ZNF718: variants seen among roughly 807,000 people sequenced by gnomAD.
The protein encoded by ZNF718 is zinc finger protein 718.
ZNF718 carries 3 observed loss-of-function variants against 2.6 expected under a neutral mutation model. The observed-to-expected ratio is 1.16, with a 90% confidence interval of 0.53 to 3.01. ZNF718 has a LOEUF of 3.01. Among genes scored for constraint, ZNF718 ranks in the 30% most tolerant of loss-of-function variants. ZNF718 has a pLI of 0.03. For synonymous variants in ZNF718, 135 were observed against 77.9 expected, an observed-to-expected ratio of 1.73 and a Z score of -3.86; for missense variants, 468 against 230.0, an observed-to-expected ratio of 2.03 and a Z score of -6.69.
Position 161,923 on chromosome 4 carries a change from A to G in ZNF718, c.1238A>G (p.His413Arg), listed in dbSNP as rs7440274. ...AAAGTGTTTGCAAACCTGCATAATC[A>G]TAAGAAAATTCATACTGGAGAGAAA... is the stretch of plus-strand genomic sequence containing the variant. ...AFKVFANLHN[H>R]KKIHTGEKPY... Residue 413 changes from histidine (H) to arginine (R), a missense_variant, in exon 4 of 4, where the codon CAT becomes CGT. By Grantham distance (29) the His-to-Arg change is conservative (BLOSUM62 0). Transcript: ENST00000510175. 0.18 allele frequency: 143,850 copies of G among 780,076 alleles called. 14,599 individuals carry two copies. The highest frequency in any genetic ancestry group is 0.27 in the South Asian group (20,173 of 74,580). 48.3% of individuals were successfully genotyped at this position (780,076 alleles called of 1,614,324 possible).
At chr4:139,567 C>G (rs1715720554) in intron 3 of ZNF718, among the ~76,000 whole-genome samples, 1 of 152,232 alleles carries the variant, frequency 6.6e-6, no homozygotes, top group Non-Finnish European at 1.5e-5. Context: ...CTTTGAGCCC[C>G]TACGCTTGGG....
intron 3 of ZNF718, among the ~76,000 whole-genome samples, chr4:138,292 A>G (rs1195107831): frequency 6.6e-6 from 1 of 152,146 alleles, no homozygotes; most frequent in Non-Finnish European, 1.5e-5. Context: ...CCCCTGCTAC[A>G]CTTTCCAGCC....
chr4:199,510 C>G (rs182380195), intron 3 of ZNF718, among the ~76,000 whole-genome samples: 2 of 152,188 alleles, frequency 1.3e-5, no homozygotes, highest in East Asian at 3.9e-4. Context: ...TAGCAACTAA[C>G]TCAATTTCCT....
intron 1 of ZNF718, chr4:124,924 C>T (rs782125162): frequency 2.3e-5 from 10 of 433,242 alleles, no homozygotes; most frequent in Non-Finnish European, 4.2e-5. Flanking sequence ...AGGAGCTCAT[C>T]CGGAAGACAC....
chr4:143,681 A>AC (rs1452200040), intron 3 of ZNF718, among the ~76,000 whole-genome samples: 1 of 151,992 alleles, frequency 6.6e-6, no homozygotes, highest in Non-Finnish European at 1.5e-5. Flanking sequence ...ATAGGTATCC[A>AC]CCCCCATTAT....
At position 199,562 on chromosome 4, in the gene ZNF718, C is replaced by T. The variant is rs151271912; in HGVS notation, c.227-1519C>T. On this transcript the variant is annotated intron_variant and NMD_transcript_variant, in intron 3 of 4. Coordinates refer to the ZNF718 transcript ENST00000642529. The stretch of plus-strand genomic sequence containing the variant: ...GAGATGCCTTCCTAAGAATGGTATT[C>T]TAATTTAGGATTTTAGTCCTGGGGA... Among the ~76,000 whole-genome samples, 23 of 152,308 alleles carry T rather than the reference C, an allele frequency of 1.5e-4. No homozygotes were observed. The East Asian group carries it at 4.4e-3, about 29-fold the overall frequency.
intron 3 of ZNF718, among the ~76,000 whole-genome samples, chr4:179,954 GAAGA>G (rs1165255171): frequency 1.3e-5 from 2 of 151,112 alleles, no homozygotes; most frequent in African/African-American, 2.4e-5. Context: ...CATGTAAAAT[GAAGA>G]AAGAAAGAAC....
chr4:198,493 C>T (rs1408341291), intron 3 of ZNF718, among the ~76,000 whole-genome samples: 1 of 152,156 alleles, frequency 6.6e-6, no homozygotes, highest in Non-Finnish European at 1.5e-5. Context: ...TCCTCACCAT[C>T]CTGCCTTCCC....
At chr4:135,731 G>GC (rs1581426078) in intron 3 of ZNF718, among the ~76,000 whole-genome samples, 1 of 19,470 alleles carries the variant, frequency 5.1e-5, no homozygotes, top group African/African-American at 2.3e-4. Context: ...TTACTCTAGA[G>GC]TTATATATAT....
rs375656377 is a variant in ZNF718 at position 136,790 on chromosome 4, G to A, written c.226+5285G>A. On this transcript the variant is annotated intron_variant, in intron 3 of 3. Transcript: ENST00000510175. ...ACAAGATATTTTCATTTGAAGCTAA[G>A]GAATATTTCATTGTATGTATAAGCC... Among the ~76,000 whole-genome samples the A allele has an allele frequency of 9.8e-5, 15 of 152,324 alleles. No individual in the cohort carries two copies. The East Asian group carries it at 2.7e-3, about 27-fold the overall frequency.
In ZNF718 at chr4:135,742, G is replaced by GTATATA. The variant is rs1715540565; in HGVS notation, c.226+4238_226+4239insATATAT. On this transcript the variant is annotated intron_variant, in intron 3 of 3. Coordinates refer to ENST00000510175, the MANE Select transcript of ZNF718 (RefSeq NM_001039127.6). ...TCATTTACTCTAGAGTTATATATATGTGCATGATTATATAATCTACAGACA... is the reference window on the plus strand; with the variant it reads ...TCATTTACTCTAGAGTTATATATATGTATATATGCATGATTATATAATCTACAGACA... Among the ~76,000 whole-genome samples, 337 of 57,264 alleles carry GTATATA rather than the reference G, an allele frequency of 5.9e-3. 2 individuals are homozygous for GTATATA. Among genetic ancestry groups the GTATATA allele is most frequent in the Non-Finnish European group, 0.01 (285 of 27,722 alleles). 37.6% of individuals were successfully genotyped at this position (57,264 alleles called of 152,430 possible). A position where few individuals can be genotyped will look rare whatever the true frequency, so the allele number is the denominator to read the frequency against.
At chr4:145,265 A>G (rs1715999735) in intron 3 of ZNF718, among the ~76,000 whole-genome samples, 1 of 152,056 alleles carries the variant, frequency 6.6e-6, no homozygotes, top group Non-Finnish European at 1.5e-5. Context: ...CATTTTGTTC[A>G]TTGTTTTCTG....
intron 3 of ZNF718, among the ~76,000 whole-genome samples, chr4:133,191 AAAAAAT>A (rs1451145605): frequency 4.6e-5 from 1 of 21,872 alleles, no homozygotes; most frequent in African/African-American, 2.2e-4. Flanking sequence ...AAAAAAAAAA[AAAAAAT>A]ATATATATAT....
Position 161,098 on chromosome 4 carries a change from C to T in ZNF718, c.413C>T (p.Thr138Ile), listed in dbSNP as rs539198899. ...AGAATTAACCAATGCTTATTAACTACCCAGAAAAAAACAATTCAATCTAAT... is the reference window on the plus strand; with the variant it reads ...AGAATTAACCAATGCTTATTAACTATCCAGAAAAAAACAATTCAATCTAAT... ...YNRINQCLLT[T>I]QKKTIQSNIC... Residue 138 changes from threonine to isoleucine, a missense_variant, in exon 4 of 4, where the codon ACC becomes ATC. Coordinates refer to ENST00000510175, the MANE Select transcript of ZNF718 (RefSeq NM_001039127.6). 9.1e-6 allele frequency: 7 copies of T among 770,282 alleles called. No individual in the cohort carries two copies. Among genetic ancestry groups the T allele is most frequent in the African/African-American group, 6.8e-5 (4 of 58,714 alleles). The allele number at this position is 770,282 out of a possible 1,614,324, so 47.7% of individuals were successfully genotyped here.
chr4:124,525 G>T lies in ZNF718; in HGVS notation c.-146G>T. ...CGGCTTTTGCTTGTAGCTCCAGCCA[G>T]AGCTCGGTTAGGGCCTCATCGCTCT... On this transcript the variant is annotated 5_prime_UTR_variant, in exon 1 of 4. Coordinates refer to ENST00000510175, the MANE Select transcript of ZNF718 (RefSeq NM_001039127.6). 1 of 1,156,116 alleles carries T rather than the reference G, an allele frequency of 8.6e-7. No homozygotes were observed. Among genetic ancestry groups the T allele is most frequent in the Non-Finnish European group, 1.3e-6 (1 of 786,880 alleles). 71.6% of individuals were successfully genotyped at this position (1,156,116 alleles called of 1,614,324 possible).
upstream of ZNF718, chr4:124,488 C>G (rs1179627662): frequency 2.2e-5 from 16 of 744,186 alleles, no homozygotes; most frequent in East Asian, 4.2e-4. Flanking sequence ...GTGCGGCATC[C>G]GGGATCTGGC....
chr4:137,479 C>T (rs1465934816), intron 3 of ZNF718, among the ~76,000 whole-genome samples: 1 of 152,116 alleles, frequency 6.6e-6, no homozygotes, highest in African/African-American at 2.4e-5. Flanking sequence ...CAGCAGTGCA[C>T]AAGGGTTTCA....
chr4:192,244 A>C (rs782109679), intron 3 of ZNF718, among the ~76,000 whole-genome samples: 12 of 152,104 alleles, frequency 7.9e-5, no homozygotes, highest in African/African-American at 1.4e-4. Context: ...TAGAGTGAAA[A>C]CAGAGCTCCC....
At chr4:155,972 T>C (rs1337965134) in intron 3 of ZNF718, among the ~76,000 whole-genome samples, 1 of 152,168 alleles carries the variant, frequency 6.6e-6, no homozygotes, top group Non-Finnish European at 1.5e-5. Flanking sequence ...AGTGAATGAC[T>C]CATGAGACCT....
Sources: allele counts gnomAD v4.1 joint callset (sites outside exome capture counted in the v4.1 genomes callset), GRCh38; gene constraint gnomAD v4.1.1; transcripts MANE v1.5; gene names NCBI Gene and HGNC (gene_info 2026-07-23, HGNC 2026-07-21).